The following VPS53 variants were observed in gnomAD, a reference collection of about 807,000 sequenced individuals.
VPS53 encodes vacuolar protein sorting-associated protein 53 homolog.
VPS53 carries 70 observed loss-of-function variants against 107.0 expected under a neutral mutation model. The observed-to-expected ratio is 0.65, with a 90% CI of 0.54 to 0.80. The LOEUF (loss-of-function observed/expected upper bound fraction) is 0.80, where lower values mean the gene tolerates loss of function less well. VPS53 is among the 30% of genes least tolerant of loss of function. VPS53 has a pLI of 0.00. For synonymous variants in VPS53, 409 were observed against 393.3 expected, an observed-to-expected ratio of 1.04 and a Z score of -0.47; for missense variants, 917 against 1,049.4, an observed-to-expected ratio of 0.87 and a Z score of 1.74.
At chr17:629,851 T>G in intron 8 of VPS53, among the ~76,000 whole-genome samples, 1 of 135,614 alleles carries the variant, frequency 7.4e-6, no homozygotes. Context: ...ACACACGAAG[T>G]CACTATGCCA....
intron 17 of VPS53, among the ~76,000 whole-genome samples, chr17:551,022 A>G (rs899801529): frequency 2.6e-5 from 4 of 152,202 alleles, no homozygotes; most frequent in Non-Finnish European, 5.9e-5. Flanking sequence ...TGGTGAGACC[A>G]CACCAAGGTT....
At chr17:549,504 A>G (rs1008544943) in intron 17 of VPS53, among the ~76,000 whole-genome samples, 42 of 152,160 alleles carry the variant, frequency 2.8e-4, no homozygotes, top group African/African-American at 1.0e-3. Flanking sequence ...GCAGGGTTTG[A>G]GGGAAATCCA....
chr17:701,041 A>G (rs1973178445), intron 2 of VPS53, among the ~76,000 whole-genome samples: 1 of 152,070 alleles, frequency 6.6e-6, no homozygotes, highest in African/African-American at 2.4e-5. Context: ...AATGAATCTC[A>G]GGCTGGACGT....
At chr17:534,002 G>A (rs1180447661) in intron 18 of VPS53, among the ~76,000 whole-genome samples, 2 of 152,080 alleles carry the variant, frequency 1.3e-5, no homozygotes, top group African/African-American at 4.8e-5. Context: ...AGCATACCCA[G>A]CTAATTTTTG....
chr17:573,744 C>T (rs930258704), intron 13 of VPS53, among the ~76,000 whole-genome samples: 3 of 152,164 alleles, frequency 2.0e-5, no homozygotes, highest in Admixed American at 6.5e-5. Context: ...CTAGCAAGCG[C>T]GAAGCCTCAC....
chr17:603,638 T>C (rs1468284391), intron 11 of VPS53, among the ~76,000 whole-genome samples: 1 of 152,166 alleles, frequency 6.6e-6, no homozygotes, highest in Admixed American at 6.5e-5. Flanking sequence ...AAGATGATGG[T>C]TTTTGTGGTA....
At chr17:634,650 G>GT (rs1292679460) in intron 7 of VPS53, among the ~76,000 whole-genome samples, 4 of 150,356 alleles carry the variant, frequency 2.7e-5, no homozygotes, top group South Asian at 2.1e-4. Flanking sequence ...GCAGTGTTTG[G>GT]TTTTTTGTCC....
intron 11 of VPS53, among the ~76,000 whole-genome samples, chr17:605,873 C>T (rs1227668113): frequency 1.3e-5 from 2 of 152,024 alleles, no homozygotes; most frequent in African/African-American, 4.8e-5. Context: ...TGGTAAGGGT[C>T]GGTTTTCTTC....
intron 17 of VPS53, among the ~76,000 whole-genome samples, chr17:543,301 A>T (rs1910849186): frequency 6.6e-6 from 1 of 152,216 alleles, no homozygotes; most frequent in Non-Finnish European, 1.5e-5. Context: ...GAACTCTTCT[A>T]CCTGTTTCAA....
In VPS53 at chr17:551,902, G is replaced by C; in HGVS notation, c.1836C>G (p.Ala612=). The change falls in exon 17 of 22, where the codon GCC becomes GCG. Residue 612 remains alanine (A), a synonymous_variant. Transcript: ENST00000437048. ...TCATGGCAGTCAGGGCAGGATCACA[G>C]GCAGCATCCAGATCCTGAACCAGCA... ...IQLLVQDLDA[A]CDPALTAMSK... 1.2e-6 allele frequency: 2 copies of C among 1,605,530 alleles called. No individual in the cohort carries two copies. Among genetic ancestry groups the C allele is most frequent in the Non-Finnish European group, 1.7e-6 (2 of 1,175,912 alleles).
chr17:519,742 C>CG lies in VPS53; in HGVS notation c.2328+83dup. ...CACATGCATTTTGAGAAAGCCCCCCCGGAACTTATATCCCAATTCCCGGTT... is the reference window on the plus strand; with the variant it reads ...CACATGCATTTTGAGAAAGCCCCCCCGGGAACTTATATCCCAATTCCCGGTT... On this transcript the variant is annotated intron_variant, in intron 21 of 21. Transcript: ENST00000437048. This position sits in a 1 kb window ranked among gnomAD's most constrained non-coding sequence, Gnocchi z 5.0. 4 of 1,041,838 alleles carry CG rather than the reference C, an allele frequency of 3.8e-6. No individual in the cohort carries two copies. The highest frequency in any genetic ancestry group is 1.6e-5 in the African/African-American group (1 of 62,764). The allele number at this position is 1,041,838 out of a possible 1,614,324, so 64.5% of individuals were successfully genotyped here. A position where few individuals can be genotyped will look rare whatever the true frequency, so the allele number is the denominator to read the frequency against.
chr17:697,879 G>A (rs1973041584), intron 3 of VPS53, among the ~76,000 whole-genome samples: 1 of 152,178 alleles, frequency 6.6e-6, no homozygotes, highest in Non-Finnish European at 1.5e-5. Context: ...GAGGCGGAAA[G>A]AGCCAGAGTG....
Position 710,614 on chromosome 17 carries a change from C to G in VPS53, c.88-1G>C, listed in dbSNP as rs1361405303. 1.2e-6 allele frequency: 2 copies of G among 1,607,438 alleles called. No individual in the cohort carries two copies. The highest frequency in any genetic ancestry group is 1.7e-6 in the Non-Finnish European group (2 of 1,174,204). ...CTAGAGGGTCCTGGCTTGGAAACAC[C>G]TATATAGAAAGAGAGGAGTATATAT... On this transcript the variant is annotated splice_acceptor_variant, in intron 1 of 21. Coordinates refer to ENST00000437048, the MANE Select transcript of VPS53 (RefSeq NM_001128159.3). LOFTEE classifies it high-confidence loss of function.
rs1447143523 is a variant in VPS53 at position 625,118 on chromosome 17, A to G, written c.975-1444T>C. On this transcript the variant is annotated intron_variant, in intron 10 of 21. Coordinates refer to ENST00000437048, the MANE Select transcript of VPS53 (RefSeq NM_001128159.3). ...ATCCTCCCACCTCAGCCTCTCTAGT[A>G]GCTGGGATTACAGGTGCTTGCCACC... 2.0e-5 allele frequency among the ~76,000 whole-genome samples: 3 copies of G among 151,890 alleles called. No individual in the cohort carries two copies. The South Asian group carries it at 6.3e-4, about 32-fold the overall frequency.
intron 13 of VPS53, among the ~76,000 whole-genome samples, chr17:581,675 T>A (rs531262846): frequency 6.6e-6 from 1 of 150,508 alleles, no homozygotes; most frequent in African/African-American, 2.5e-5. Flanking sequence ...CAGAACCTAA[T>A]GCATCCCCGG....
chr17:540,796 G>C (rs923254920), intron 17 of VPS53, among the ~76,000 whole-genome samples: 1 of 152,102 alleles, frequency 6.6e-6, no homozygotes, highest in African/African-American at 2.4e-5. Flanking sequence ...ACCACCACAA[G>C]AAGAGACTGC....
chr17:683,337 G>A (rs1299008793), intron 4 of VPS53, among the ~76,000 whole-genome samples: 2 of 151,746 alleles, frequency 1.3e-5, no homozygotes, highest in African/African-American at 4.8e-5. Flanking sequence ...AACAATGCAA[G>A]CTAGAAGACA....
At chr17:633,760 A>G (rs1298996565) in intron 7 of VPS53, among the ~76,000 whole-genome samples, 1 of 152,240 alleles carries the variant, frequency 6.6e-6, no homozygotes, top group Non-Finnish European at 1.5e-5. Flanking sequence ...CCATACGTCT[A>G]GAGCTGTCCA....
rs537115696 is a variant in VPS53 at position 690,441 on chromosome 17, G to A, written c.285+6977C>T. On this transcript the variant is annotated intron_variant, in intron 4 of 21. Coordinates refer to ENST00000437048, the MANE Select transcript of VPS53 (RefSeq NM_001128159.3). ...GAGTTACATGAAAATCCGGATTTCCGGCTGCTCTTGAAAAACTGATAGATC... is the reference window on the plus strand; with the variant it reads ...GAGTTACATGAAAATCCGGATTTCCAGCTGCTCTTGAAAAACTGATAGATC... Among the ~76,000 whole-genome samples, 132 of 152,280 alleles carry A rather than the reference G, an allele frequency of 8.7e-4. 2 individuals carry two copies. Among genetic ancestry groups the A allele is most frequent in the African/African-American group, 2.9e-3 (121 of 41,568 alleles).
Sources: gnomAD v4.1 joint callset for allele counts (sites outside exome capture counted in the v4.1 genomes callset) on GRCh38, gnomAD v4.1.1 for gene constraint, Gnocchi (gnomAD v3.1) non-coding constraint, MANE v1.5 for transcripts, NCBI Gene and HGNC (gene_info 2026-07-23, HGNC 2026-07-21) for gene names.